HECTD2: variants seen among roughly 807,000 people sequenced by gnomAD.
The protein encoded by HECTD2 is HECT domain E3 ubiquitin protein ligase 2, also known as probable E3 ubiquitin-protein ligase HECTD2.
In HECTD2, 35 loss-of-function variants were observed where a neutral mutation model predicts 103.2. That is an observed-to-expected ratio of 0.34 (90% CI 0.26 to 0.45). HECTD2 has a LOEUF of 0.45. Among genes scored for constraint, HECTD2 ranks in the 20% least tolerant of loss-of-function variants. HECTD2 has a pLI of 1.00. For synonymous variants in HECTD2, 281 were observed against 329.9 expected (o/e 0.85, Z 1.61); for missense variants, 596 against 937.4 (o/e 0.64, Z 4.76).
chr10:91,503,363 T>C (rs1267314527), intron 20 of HECTD2, among the ~76,000 whole-genome samples: 1 of 152,122 alleles, frequency 6.6e-6, no homozygotes, highest in Non-Finnish European at 1.5e-5. Context: ...CCATCTGAGG[T>C]ACCGGGTTCA....
At chr10:91,474,280 G>A (rs758124377) in intron 5 of HECTD2, among the ~76,000 whole-genome samples, 3 of 152,044 alleles carry the variant, frequency 2.0e-5, no homozygotes, top group Non-Finnish European at 4.4e-5. Context: ...TCCAAATATA[G>A]GAATAAGTAA....
chr10:91,420,438 A>AT (rs1432939355), intron 1 of HECTD2, among the ~76,000 whole-genome samples: 10 of 151,690 alleles, frequency 6.6e-5, no homozygotes, highest in African/African-American at 2.4e-4. Flanking sequence ...ACAAAAAAAA[A>AT]AAAAGCTGGG....
At chr10:91,471,186 G>A (rs1259071702) in intron 5 of HECTD2, among the ~76,000 whole-genome samples, 1 of 152,132 alleles carries the variant, frequency 6.6e-6, no homozygotes, top group East Asian at 1.9e-4. Flanking sequence ...ATCAATAAAT[G>A]TGATTCATCA....
chr10:91,430,194 T>G (rs1344425232), intron 2 of HECTD2, among the ~76,000 whole-genome samples: 1 of 152,192 alleles, frequency 6.6e-6, no homozygotes, highest in East Asian at 1.9e-4. Flanking sequence ...CAGTTTTGAG[T>G]GAGTTTCTTA....
intron 5 of HECTD2, among the ~76,000 whole-genome samples, chr10:91,473,070 A>G (rs189586545): frequency 6.6e-6 from 1 of 152,322 alleles, no homozygotes; most frequent in African/African-American, 2.4e-5. Context: ...GTGTATATTT[A>G]ATACCTGGGA....
At chr10:91,484,067 AAGAG>A (rs1564729412) in intron 8 of HECTD2, 1 of 385,714 alleles carries the variant, frequency 2.6e-6, no homozygotes, top group Non-Finnish European at 4.7e-6. Flanking sequence ...GACACTTGCA[AAGAG>A]AGAGTATTGA....
rs565562023 is a variant in HECTD2, at chr10:91,422,475, A to G, written c.139-2806A>G. On this transcript the variant is annotated intron_variant, in intron 1 of 20. Transcript: ENST00000298068. ...TATAACTGTCAAATTTGTGTGTCCA[A>G]TTTGGCATTTGTTCGCACTATTATT... is the stretch of plus-strand genomic sequence containing the variant. 4.6e-5 allele frequency among the ~76,000 whole-genome samples: 7 copies of G among 152,276 alleles called. No homozygotes were observed. The South Asian group carries it at 1.5e-3, about 32-fold the overall frequency.
At chr10:91,445,322 T>C (rs1844553759) in intron 2 of HECTD2, among the ~76,000 whole-genome samples, 2 of 152,158 alleles carry the variant, frequency 1.3e-5, no homozygotes. Context: ...GAACCTGGGC[T>C]TCCCTTCCTT....
chr10:91,511,663 G>T (rs1029068899), intron 20 of HECTD2, among the ~76,000 whole-genome samples: 1 of 152,038 alleles, frequency 6.6e-6, no homozygotes, highest in African/African-American at 2.4e-5. Flanking sequence ...TTCCTTGCAC[G>T]TGCAGTTCAC....
rs1394770485 is a variant in HECTD2 at position 91,483,030 on chromosome 10, A to G, written c.775A>G (p.Thr259Ala). 1 of 1,587,284 alleles carries G rather than the reference A, an allele frequency of 6.3e-7. No homozygotes were observed. Among genetic ancestry groups the G allele is most frequent in the South Asian group, 1.1e-5 (1 of 89,944 alleles). ...IYAHLLRQIA[T>A]LVEADHHFLV... ...TGCTCACTTGCTACGACAGATAGCT[A>G]CCTTAGTGGAAGCTGACCATCATTT... Residue 259 changes from threonine to alanine, a missense_variant, in exon 8 of 21, where the codon ACC becomes GCC. Thr to Ala is a moderately conservative substitution (Grantham distance 58). Transcript: ENST00000298068.
chr10:91,444,859 T>C (rs187238172), intron 2 of HECTD2, among the ~76,000 whole-genome samples: 11 of 152,306 alleles, frequency 7.2e-5, no homozygotes, highest in Non-Finnish European at 1.2e-4. Context: ...AGTGAAAATC[T>C]ATCATTTAGG....
chr10:91,507,276 G>T (rs1294805831), intron 20 of HECTD2, among the ~76,000 whole-genome samples: 1 of 151,290 alleles, frequency 6.6e-6, no homozygotes, highest in Non-Finnish European at 1.5e-5. Context: ...TCTGGCCAGG[G>T]CAATTAGACA....
chr10:91,506,920 T>G (rs1194115794), intron 20 of HECTD2, among the ~76,000 whole-genome samples: 1 of 149,242 alleles, frequency 6.7e-6, no homozygotes, highest in Non-Finnish European at 1.5e-5. Flanking sequence ...AAAAAGCTTC[T>G]CCACCATGAT....
intron 2 of HECTD2, among the ~76,000 whole-genome samples, chr10:91,426,168 A>G (rs974741725): frequency 1.3e-5 from 2 of 152,030 alleles, no homozygotes; most frequent in South Asian, 4.1e-4. Flanking sequence ...GTGCTTACCG[A>G]TCTGTTAATG....
In HECTD2 at chr10:91,500,536, G is replaced by A; in HGVS notation, c.1985G>A (p.Cys662Tyr). ...CCAGAAGAGGTTGAAATTTTGGTCTGTGGAAGTCCTGACCTGGATATGCAT... is the reference window on the plus strand; with the variant it reads ...CCAGAAGAGGTTGAAATTTTGGTCTATGGAAGTCCTGACCTGGATATGCAT... The part of the protein sequence containing the change: ...LRPEEVEILV[C>Y]GSPDLDMHAL... Residue 662 changes from cysteine to tyrosine, a missense_variant, in exon 19 of 21, where the codon TGT (cysteine) becomes TAT (tyrosine). Physicochemically the swap from Cys to Tyr is radical, Grantham distance 194 (BLOSUM62 -2). Around this residue, in one of 4 missense-constraint regions of HECTD2, gnomAD observed 69 missense variants for 153.8 expected, o/e 0.45. Transcript: ENST00000298068. The A allele has an allele frequency of 2.5e-6, 4 of 1,610,858 alleles. No individual in the cohort carries two copies. Among genetic ancestry groups the A allele is most frequent in the Non-Finnish European group, 3.4e-6 (4 of 1,177,088 alleles).
chr10:91,478,281 CA>C lies in HECTD2; in HGVS notation c.665+18del. On this transcript the variant is annotated intron_variant, in intron 6 of 20. Coordinates refer to ENST00000298068, the MANE Select transcript of HECTD2 (RefSeq NM_182765.6). ...AATGGAAAGGGTAAACTAATATTTT[CA>C]ATATTTAGCTAATCAGTATAGATGT... 2 of 1,447,276 alleles carry C rather than the reference CA, an allele frequency of 1.4e-6. No individual in the cohort carries two copies. The highest frequency in any genetic ancestry group is 1.9e-6 in the Non-Finnish European group (2 of 1,028,356). 89.7% of individuals were successfully genotyped at this position (1,447,276 alleles called of 1,614,324 possible). A position where few individuals can be genotyped will look rare whatever the true frequency, so the allele number is the denominator to read the frequency against.
At chr10:91,439,849 G>C (rs900023183) in intron 2 of HECTD2, among the ~76,000 whole-genome samples, 3 of 152,122 alleles carry the variant, frequency 2.0e-5, no homozygotes, top group African/African-American at 7.2e-5. Context: ...TAGCAGTTAT[G>C]AATGGGAGTT....
chr10:91,514,486 A>T lies in HECTD2; in HGVS notation c.*2102A>T, dbSNP rs776677353. The T allele has an allele frequency of 9.8e-5, 15 of 152,644 alleles. No individual in the cohort carries two copies. The highest frequency in any genetic ancestry group is 1.8e-4 in the Non-Finnish European group (12 of 68,032). 9.5% of individuals were successfully genotyped at this position (152,644 alleles called of 1,614,324 possible). ...AAAACCACTACTGTTACATTTTATT[A>T]ATTTAAAAAGCTAGAAAATTCATGT... On this transcript the variant is annotated 3_prime_UTR_variant, in exon 21 of 21. Transcript: ENST00000298068.
chr10:91,511,583 A>G (rs1847420041), intron 20 of HECTD2, among the ~76,000 whole-genome samples: 2 of 152,078 alleles, frequency 1.3e-5, no homozygotes, highest in Non-Finnish European at 2.9e-5. Context: ...AGGTGGTGGT[A>G]GTTTTGGATG....
Sources: allele counts gnomAD v4.1 joint callset (sites outside exome capture counted in the v4.1 genomes callset), GRCh38; gene constraint gnomAD v4.1.1; regional missense constraint gnomAD v4.1.1; transcripts MANE v1.5; gene names NCBI Gene and HGNC (gene_info 2026-07-23, HGNC 2026-07-21).